CACNG2: variants seen among roughly 807,000 people sequenced by gnomAD.
The protein encoded by CACNG2 is calcium voltage-gated channel auxiliary subunit gamma 2.
Under a neutral mutation model 25.9 loss-of-function variants are expected in CACNG2, and 3 were observed. The ratio of observed to expected loss-of-function variants is 0.12; its 90% confidence interval spans 0.05 to 0.30. The LOEUF is 0.30. Among genes scored for constraint, CACNG2 ranks in the 10% least tolerant of loss-of-function variants. The pLI, the probability that CACNG2 is intolerant of heterozygous loss-of-function variation, is 1.00. For missense variants in CACNG2, 341 were observed against 432.5 expected (o/e 0.79, Z 1.88); for synonymous variants, 167 against 173.3 (o/e 0.96, Z 0.29).
chr22:36,658,603 T>A (rs1176098341), intron 1 of CACNG2, among the ~76,000 whole-genome samples: 1 of 152,210 alleles, frequency 6.6e-6, no homozygotes, highest in Non-Finnish European at 1.5e-5. Context: ...ATCCATCTCT[T>A]TTTAAATTCC....
chr22:36,658,052 C>A (rs1936734427), intron 1 of CACNG2, among the ~76,000 whole-genome samples: 1 of 152,104 alleles, frequency 6.6e-6, no homozygotes, highest in Non-Finnish European at 1.5e-5. Context: ...CTAAGGTTGT[C>A]ATAATAAGTG....
At chr22:36,595,464 G>A (rs951879321) in intron 1 of CACNG2, among the ~76,000 whole-genome samples, 27 of 152,204 alleles carry the variant, frequency 1.8e-4, no homozygotes, top group Admixed American at 1.8e-3. Flanking sequence ...TCCAGCCCAG[G>A]GAGCTGATTG....
At chr22:36,638,489 G>A (rs1936393457) in intron 1 of CACNG2, among the ~76,000 whole-genome samples, 1 of 152,110 alleles carries the variant, frequency 6.6e-6, no homozygotes, top group Non-Finnish European at 1.5e-5. Flanking sequence ...TCTTAGTCTT[G>A]CACTGGTGCC....
intron 1 of CACNG2, among the ~76,000 whole-genome samples, chr22:36,673,332 GAT>G (rs1394425224): frequency 2.0e-5 from 3 of 152,142 alleles, no homozygotes; most frequent in Non-Finnish European, 2.9e-5. Flanking sequence ...GAAGGCAATT[GAT>G]CAAGCTGAGT....
At chr22:36,658,583 T>G (rs1342601628) in intron 1 of CACNG2, among the ~76,000 whole-genome samples, 1 of 152,246 alleles carries the variant, frequency 6.6e-6, no homozygotes, top group Non-Finnish European at 1.5e-5. Context: ...GATTTAAGCC[T>G]GTCTTCCTCA....
chr22:36,594,617 T>A (rs987244898), intron 1 of CACNG2, among the ~76,000 whole-genome samples: 1 of 152,098 alleles, frequency 6.6e-6, no homozygotes, highest in African/African-American at 2.4e-5. Flanking sequence ...GAGGAGCAGG[T>A]GCCTGAGCTG....
chr22:36,649,136 T>A (rs1936570559), intron 1 of CACNG2, among the ~76,000 whole-genome samples: 1 of 152,162 alleles, frequency 6.6e-6, no homozygotes, highest in South Asian at 2.1e-4. Flanking sequence ...GTCTTAATGG[T>A]GACATGTCCT....
At chr22:36,673,229 AT>A (rs1936976592) in intron 1 of CACNG2, among the ~76,000 whole-genome samples, 2 of 152,160 alleles carry the variant, frequency 1.3e-5, no homozygotes, top group Non-Finnish European at 2.9e-5. Context: ...CTGTCTCCAA[AT>A]ATAAAAAAAC....
chr22:36,694,445 C>T (rs1937306922), intron 1 of CACNG2, among the ~76,000 whole-genome samples: 1 of 152,194 alleles, frequency 6.6e-6, no homozygotes, highest in Admixed American at 6.5e-5. Flanking sequence ...TAGTGACATG[C>T]ATTTCCTGGC....
chr22:36,591,891 T>C (rs1935599931), intron 1 of CACNG2, among the ~76,000 whole-genome samples: 1 of 151,806 alleles, frequency 6.6e-6, no homozygotes, highest in Non-Finnish European at 1.5e-5. Context: ...CTGTTGCTTC[T>C]ATTTTCCCAA....
In CACNG2 at chr22:36,681,290, G is replaced by A. The variant is rs117068812; in HGVS notation, c.211+21076C>T. Among the ~76,000 whole-genome samples the A allele has an allele frequency of 1.3e-4, 20 of 152,258 alleles. No individual in the cohort carries two copies. The East Asian group carries it at 3.7e-3, about 28-fold the overall frequency. Reference sequence around the variant, plus strand: ...ATATAGAGAATGCTTCCAAGCCCTCGCAGAGACTGGACTTTTCCTACCTGG... The same window carrying A: ...ATATAGAGAATGCTTCCAAGCCCTCACAGAGACTGGACTTTTCCTACCTGG... On this transcript the variant is annotated intron_variant, in intron 1 of 3. Transcript: ENST00000300105.
chr22:36,629,903 G>A (rs546182350), intron 1 of CACNG2, among the ~76,000 whole-genome samples: 1 of 152,310 alleles, frequency 6.6e-6, no homozygotes, highest in African/African-American at 2.4e-5. Flanking sequence ...AAGCCTACAG[G>A]AAGGAATAAT....
At chr22:36,679,876 C>T (rs963954242) in intron 1 of CACNG2, among the ~76,000 whole-genome samples, 1 of 152,078 alleles carries the variant, frequency 6.6e-6, no homozygotes, top group Middle Eastern at 3.2e-3. Context: ...AGAGTTGTTC[C>T]AAATGGTAGT....
intron 1 of CACNG2, among the ~76,000 whole-genome samples, chr22:36,605,861 G>A (rs878879739): frequency 4.6e-5 from 7 of 152,158 alleles, no homozygotes; most frequent in African/African-American, 1.4e-4. Context: ...TATGGGAACC[G>A]CATGCACTTA....
chr22:36,660,549 C>T (rs772346214), intron 1 of CACNG2, among the ~76,000 whole-genome samples: 2 of 152,270 alleles, frequency 1.3e-5, no homozygotes, highest in Non-Finnish European at 2.9e-5. Context: ...GAATTGAGCA[C>T]ACTGCGCTGA....
intron 1 of CACNG2, among the ~76,000 whole-genome samples, chr22:36,639,493 T>TTC (rs1297708837): frequency 6.6e-6 from 1 of 152,100 alleles, no homozygotes; most frequent in Non-Finnish European, 1.5e-5. Flanking sequence ...TGTCCTCCAT[T>TTC]TCTCTCTCTC....
intron 1 of CACNG2, among the ~76,000 whole-genome samples, chr22:36,613,918 A>C (rs1349018405): frequency 6.6e-6 from 1 of 152,120 alleles, no homozygotes; most frequent in African/African-American, 2.4e-5. Context: ...ACTCCCAGCA[A>C]ATCGCCAATT....
chr22:36,577,842 T>G (rs551378811), intron 2 of CACNG2, among the ~76,000 whole-genome samples: 1 of 152,088 alleles, frequency 6.6e-6, no homozygotes, highest in South Asian at 2.1e-4. Flanking sequence ...GCACTGGTTG[T>G]GATGACTTCT....
At chr22:36,683,499 C>G (rs146372081) in intron 1 of CACNG2, among the ~76,000 whole-genome samples, 60 of 152,306 alleles carry the variant, frequency 3.9e-4, no homozygotes, top group Non-Finnish European at 6.3e-4. Flanking sequence ...TTATCCCAGC[C>G]CTTCCTAAAT....
Sources: allele counts gnomAD v4.1 joint callset (sites outside exome capture counted in the v4.1 genomes callset), GRCh38; gene constraint gnomAD v4.1.1; transcripts MANE v1.5; gene names NCBI Gene and HGNC (gene_info 2026-07-23, HGNC 2026-07-21).